SLC25A38: variants seen among roughly 807,000 people sequenced by gnomAD.
SLC25A38 encodes mitochondrial glycine transporter.
A neutral mutation model predicts 33.4 loss-of-function variants in SLC25A38; 27 were observed. That is an observed-to-expected ratio of 0.81 (90% CI 0.60 to 1.11). The LOEUF (loss-of-function observed/expected upper bound fraction) is 1.11, where lower values mean the gene tolerates loss of function less well. Among genes scored for constraint, SLC25A38 ranks in the 50% most tolerant of loss-of-function variants. The pLI, the probability that SLC25A38 is intolerant of heterozygous loss-of-function variation, is 0.00. For synonymous variants in SLC25A38, 123 were observed against 145.9 expected, an observed-to-expected ratio of 0.84 and a Z score of 1.13; for missense variants, 344 against 388.8, an observed-to-expected ratio of 0.88 and a Z score of 0.97.
Position 39,389,526 on chromosome 3 carries a change from G to C in SLC25A38, c.101G>C (p.Gly34Ala), listed in dbSNP as rs1436462815. Reference sequence around the variant, plus strand: ...CCGGTGATCAAGGCTTTCCTGTGTGGCTCCATCAGTGGGACCTGCTCTACC... The same window carrying C: ...CCGGTGATCAAGGCTTTCCTGTGTGCCTCCATCAGTGGGACCTGCTCTACC... ...LHPVIKAFLC[G>A]SISGTCSTLL... is the part of the protein sequence containing the mutation. Residue 34 changes from glycine (G) to alanine (A), a missense_variant, in exon 2 of 7, where the codon GGC becomes GCC. Coordinates refer to ENST00000650617, the MANE Select transcript of SLC25A38 (RefSeq NM_017875.4). The surrounding 1 kb of genome is among the most constrained non-coding windows in gnomAD (Gnocchi z 4.5). 1 of 1,614,146 alleles carries C rather than the reference G, an allele frequency of 6.2e-7. No homozygotes were observed. Among genetic ancestry groups the C allele is most frequent in the African/African-American group, 1.3e-5 (1 of 75,024 alleles).
rs2041833392 is a variant in SLC25A38 at position 39,396,574 on chromosome 3, A to C, written c.*54A>C. On this transcript the variant is annotated 3_prime_UTR_variant, in exon 7 of 7. Coordinates refer to ENST00000650617, the MANE Select transcript of SLC25A38 (RefSeq NM_017875.4). The stretch of plus-strand genomic sequence containing the variant: ...CTGTTGCCCTGCTTGGTTTCTGCCA[A>C]GGGCTGCTGCTTCTTACTATTCTGC... 4.3e-6 allele frequency: 7 copies of C among 1,612,918 alleles called. No homozygotes were observed. The highest frequency in any genetic ancestry group is 5.9e-6 in the Non-Finnish European group (7 of 1,179,822).
intron 1 of SLC25A38, chr3:39,384,802 T>A (rs564625529): frequency 3.4e-5 from 13 of 383,406 alleles, no homozygotes; most frequent in African/African-American, 2.8e-4. Flanking sequence ...TTTTCTTTTT[T>A]CTTTTTTTTT....
chr3:39,394,320 G>T, intron 5 of SLC25A38, 90 bp from the exon 6 acceptor site: 1 of 1,529,900 alleles, frequency 6.5e-7, no homozygotes. Context: ...ACCTTTCTTG[G>T]TTTGGGGAAG....
chr3:39,396,209 C>T (rs973423221), intron 6 of SLC25A38, among the ~76,000 whole-genome samples, 189 bp from the exon 7 acceptor site: 34 of 136,202 alleles, frequency 2.5e-4, no homozygotes, highest in Admixed American at 7.5e-4. Flanking sequence ...GACTCTGCCT[C>T]GGAAAAAAAA....
rs2041767822 is a variant in SLC25A38 at position 39,391,565 on chromosome 3, G to A, written c.401G>A (p.Arg134His). The A allele has an allele frequency of 1.9e-6, 3 of 1,614,162 alleles. No individual in the cohort carries two copies. The highest frequency in any genetic ancestry group is 1.7e-6 in the Non-Finnish European group (2 of 1,180,020). The change falls in exon 4 of 7, where the codon CGC (arginine) becomes CAC (histidine). Residue 134 changes from arginine to histidine, a missense_variant. By Grantham distance (29) the Arg-to-His change is conservative. Around this residue, in one of 2 missense-constraint regions of SLC25A38, gnomAD observed 269 missense variants for 271.8 expected, o/e 0.99. Transcript: ENST00000650617. ...LESVMLGVGS[R>H]SVAGVCMSPI... is the part of the protein sequence containing the mutation. ...TCAGTCATGCTGGGGGTGGGCTCTC[G>A]CTCTGTTGCAGGGGTCTGTATGTCA...
At chr3:39,391,182 CTG>C (rs1244123216) in intron 3 of SLC25A38, among the ~76,000 whole-genome samples, 4 of 152,140 alleles carry the variant, frequency 2.6e-5, no homozygotes, top group Non-Finnish European at 5.9e-5. Flanking sequence ...AGGGATAACT[CTG>C]AGGTGTGTTC....
intron 3 of SLC25A38, 116 bp downstream of exon 3, chr3:39,390,623 T>C (rs191204915): frequency 9.9e-7 from 1 of 1,010,442 alleles, no homozygotes; most frequent in Non-Finnish European, 1.6e-6. Context: ...TGGGAGTACC[T>C]ATGTGGTCTT....
At chr3:39,383,909 AT>A in intron 1 of SLC25A38, 116 bp downstream of exon 1, 1 of 1,166,114 alleles carries the variant, frequency 8.6e-7, no homozygotes, top group Non-Finnish European at 1.3e-6. Context: ...TGCGCTCAGG[AT>A]TTAGGATGCG....
Position 39,383,697 on chromosome 3 carries a change from C to G in SLC25A38, c.-28C>G. On this transcript the variant is annotated 5_prime_UTR_variant, in exon 1 of 7. Transcript: ENST00000650617. ...AAGCGCCCGTCGACGGCACCCTGGGCCCAGAGGACTCGCGGGCCTCATCTC... is the reference window on the plus strand; with the variant it reads ...AAGCGCCCGTCGACGGCACCCTGGGGCCAGAGGACTCGCGGGCCTCATCTC... 4 of 1,613,718 alleles carry G rather than the reference C, an allele frequency of 2.5e-6. No homozygotes were observed.
chr3:39,383,805 G>C lies in SLC25A38; in HGVS notation c.69+12G>C. ...TGGAAACGCTTATGGTGAGGGCACT[G>C]CGGGGAAGGAAGGGCAGGGGTCCGA... On this transcript the variant is annotated intron_variant, in intron 1 of 6. Transcript: ENST00000650617. The C allele has an allele frequency of 6.2e-7, 1 of 1,614,086 alleles. No homozygotes were observed. Among genetic ancestry groups the C allele is most frequent in the Non-Finnish European group, 8.5e-7 (1 of 1,179,956 alleles).
chr3:39,391,293 TC>T (rs1233918665), intron 3 of SLC25A38, 147 bp from the exon 4 acceptor site: 7 of 1,077,828 alleles, frequency 6.5e-6, no homozygotes, highest in Non-Finnish European at 8.5e-6. Context: ...CTATCTCATG[TC>T]CCCCACTTCC....
chr3:39,394,719 TATCAGA>T, intron 6 of SLC25A38, 143 bp downstream of exon 6: 2 of 937,378 alleles, frequency 2.1e-6, no homozygotes, highest in Non-Finnish European at 3.2e-6. Context: ...AGGCCAACTA[TATCAGA>T]ATGTCTAGTG....
At chr3:39,384,709 C>A (rs541384703) in intron 1 of SLC25A38, 3 of 397,920 alleles carry the variant, frequency 7.5e-6, no homozygotes, top group Non-Finnish European at 1.3e-5. Context: ...ATTTCGTGTG[C>A]GTATTATTGT....
intron 5 of SLC25A38, among the ~76,000 whole-genome samples, chr3:39,393,822 C>T (rs1010028258): frequency 6.6e-6 from 1 of 152,194 alleles, no homozygotes; most frequent in Non-Finnish European, 1.5e-5. Context: ...TCTGATTTCT[C>T]TAATTGTCCC....
At chr3:39,394,317 T>C in intron 5 of SLC25A38, 93 bp from the exon 6 acceptor site, 1 of 1,497,760 alleles carries the variant, frequency 6.7e-7, no homozygotes, top group Non-Finnish European at 9.3e-7. Flanking sequence ...CAGACCTTTC[T>C]TGGTTTGGGG....
Position 39,392,046 on chromosome 3 carries a change from A to G in SLC25A38, c.625+25A>G, listed in dbSNP as rs750541864. The G allele has an allele frequency of 3.1e-6, 5 of 1,613,958 alleles. No homozygotes were observed. The South Asian group carries it at 5.5e-5, about 18-fold the overall frequency. The stretch of plus-strand genomic sequence containing the variant: ...GGTAGGGATAAAGGAAGATCTGGGG[A>G]AGAGCTATCCTTGAGACATCAGATC... On this transcript the variant is annotated intron_variant, in intron 5 of 6. Coordinates refer to ENST00000650617, the MANE Select transcript of SLC25A38 (RefSeq NM_017875.4).
At chr3:39,388,807 A>C (rs1000748086) in intron 1 of SLC25A38, among the ~76,000 whole-genome samples, 5 of 152,170 alleles carry the variant, frequency 3.3e-5, no homozygotes, top group Admixed American at 6.5e-5. Flanking sequence ...CCTGGAACTA[A>C]GGGAGGTATA....
intron 1 of SLC25A38, chr3:39,384,779 T>A (rs1036894399): frequency 5.0e-6 from 2 of 397,308 alleles, no homozygotes; most frequent in South Asian, 2.5e-4. Context: ...CTTGAATATA[T>A]TTTTGAGCTT....
Position 39,389,544 on chromosome 3 carries a change from GCT to G in SLC25A38, c.122_123del (p.Ser41TyrfsTer11), listed in dbSNP as rs767156788. 3 of 1,614,036 alleles carry G rather than the reference GCT, an allele frequency of 1.9e-6. No homozygotes were observed. The highest frequency in any genetic ancestry group is 1.7e-5 in the Admixed American group (1 of 60,006). ...CTGTGTGGCTCCATCAGTGGGACCTGCTCTACCCTCCTTTTCCAACCTCTGGA... is the reference window on the plus strand; with the variant it reads ...CTGTGTGGCTCCATCAGTGGGACCTGCTACCCTCCTTTTCCAACCTCTGGA... On this transcript the variant is annotated frameshift_variant, in exon 2 of 7. Transcript: ENST00000650617. LOFTEE classifies it high-confidence loss of function. This position sits in a 1 kb window ranked among gnomAD's most constrained non-coding sequence, Gnocchi z 4.5.
Sources: gnomAD v4.1 joint callset for allele counts (sites outside exome capture counted in the v4.1 genomes callset) on GRCh38, gnomAD v4.1.1 for gene constraint, gnomAD v4.1.1 regional missense constraint, Gnocchi (gnomAD v3.1) non-coding constraint, MANE v1.5 for transcripts, NCBI Gene and HGNC (gene_info 2026-07-23, HGNC 2026-07-21) for gene names.